The following RTN1 variants were observed in gnomAD, a reference collection of about 807,000 sequenced individuals.
RTN1 encodes reticulon-1.
RTN1 carries 25 observed loss-of-function variants against 65.5 expected under a neutral mutation model. The ratio of observed to expected loss-of-function variants is 0.38; its 90% CI spans 0.28 to 0.53. The LOEUF (loss-of-function observed/expected upper bound fraction) is 0.53. RTN1 is among the 20% of genes least tolerant of loss of function. The probability of loss-of-function intolerance (pLI) is 0.79; values close to 1 mark genes in which losing one functional copy is unlikely to be tolerated. For synonymous variants in RTN1, 471 were observed against 447.6 expected (o/e 1.05, Z -0.66); for missense variants, 983 against 1,025.4 (o/e 0.96, Z 0.57).
At chr14:59,629,674 G>A (rs146577432) in intron 3 of RTN1, among the ~76,000 whole-genome samples, 4 of 152,176 alleles carry the variant, frequency 2.6e-5, no homozygotes, top group African/African-American at 9.7e-5. Context: ...GAAGTGTGAG[G>A]CTGAATAAAA....
At chr14:59,855,802 A>G (rs1462065591) in intron 1 of RTN1, among the ~76,000 whole-genome samples, 1 of 152,192 alleles carries the variant, frequency 6.6e-6, no homozygotes, top group Non-Finnish European at 1.5e-5. Context: ...ATTAAGTGCC[A>G]AAGCCTTACT....
At chr14:59,745,600 G>A (rs1170153478) in intron 2 of RTN1, 108 bp downstream of exon 2, 1 of 946,896 alleles carries the variant, frequency 1.1e-6, no homozygotes, top group Non-Finnish European at 1.6e-6. Flanking sequence ...AAGGGGTCCA[G>A]ATAGTAAAGT....
chr14:59,661,157 G>C (rs945193221), intron 3 of RTN1, among the ~76,000 whole-genome samples: 7 of 149,418 alleles, frequency 4.7e-5, no homozygotes, highest in African/African-American at 1.7e-4. Flanking sequence ...ATAAATTCCT[G>C]GACACATACA....
intron 1 of RTN1, among the ~76,000 whole-genome samples, chr14:59,807,148 C>G (rs1886653848): frequency 6.6e-6 from 1 of 152,142 alleles, no homozygotes; most frequent in South Asian, 2.1e-4. Flanking sequence ...GTATGACTTT[C>G]AAGTCAAATT....
chr14:59,683,745 G>T (rs1450798185), intron 3 of RTN1, among the ~76,000 whole-genome samples: 1 of 152,074 alleles, frequency 6.6e-6, no homozygotes, highest in African/African-American at 2.4e-5. Flanking sequence ...TATTTCCTTA[G>T]TATCTTTGGT....
At chr14:59,804,133 T>C (rs1020608252) in intron 1 of RTN1, among the ~76,000 whole-genome samples, 3 of 152,200 alleles carry the variant, frequency 2.0e-5, no homozygotes, top group Admixed American at 1.3e-4. Flanking sequence ...CCCCATTACA[T>C]TTAATTGTCA....
At chr14:59,690,655 C>T (rs191118322) in intron 3 of RTN1, among the ~76,000 whole-genome samples, 3 of 152,060 alleles carry the variant, frequency 2.0e-5, no homozygotes, top group Non-Finnish European at 4.4e-5. Flanking sequence ...CTCAGCTGGA[C>T]AAGAAACATA....
At chr14:59,776,418 GC>G (rs1886051219) in intron 1 of RTN1, among the ~76,000 whole-genome samples, 1 of 152,104 alleles carries the variant, frequency 6.6e-6, no homozygotes, top group African/African-American at 2.4e-5. Flanking sequence ...CTTCCACCAT[GC>G]CATGATGCAG....
At chr14:59,661,779 C>T (rs1212186584) in intron 3 of RTN1, among the ~76,000 whole-genome samples, 1 of 152,154 alleles carries the variant, frequency 6.6e-6, no homozygotes, top group Non-Finnish European at 1.5e-5. Context: ...TTATGACAAA[C>T]CCACAACCAA....
At chr14:59,793,843 CCAA>C (rs1886395165) in intron 1 of RTN1, among the ~76,000 whole-genome samples, 1 of 152,148 alleles carries the variant, frequency 6.6e-6, no homozygotes, top group African/African-American at 2.4e-5. Flanking sequence ...AATTCTGACC[CCAA>C]CTTTCAAACA....
At chr14:59,721,937 AT>A (rs1179898511) in intron 3 of RTN1, among the ~76,000 whole-genome samples, 5 of 152,128 alleles carry the variant, frequency 3.3e-5, no homozygotes, top group African/African-American at 7.2e-5. Flanking sequence ...ATGAAAATTC[AT>A]TTTACTCAAC....
At chr14:59,840,692 A>G (rs1488778433) in intron 1 of RTN1, among the ~76,000 whole-genome samples, 1 of 152,136 alleles carries the variant, frequency 6.6e-6, no homozygotes, top group Non-Finnish European at 1.5e-5. Context: ...ACATTTTCCC[A>G]TTGTAATTCG....
chr14:59,603,597 T>A (rs921596884), intron 6 of RTN1, among the ~76,000 whole-genome samples: 1 of 151,782 alleles, frequency 6.6e-6, no homozygotes, highest in East Asian at 1.9e-4. Context: ...TCCAAATATA[T>A]ATATTACAAG....
intron 1 of RTN1, among the ~76,000 whole-genome samples, chr14:59,762,959 T>A (rs910759730): frequency 6.6e-6 from 1 of 152,208 alleles, no homozygotes; most frequent in African/African-American, 2.4e-5. Flanking sequence ...CATGAGACAT[T>A]TGAAATTTAC....
chr14:59,789,849 T>A (rs1008484362), intron 1 of RTN1, among the ~76,000 whole-genome samples: 1 of 151,938 alleles, frequency 6.6e-6, no homozygotes, highest in South Asian at 2.1e-4. Context: ...AAAGAACTGA[T>A]AGGTATCAAA....
chr14:59,757,220 C>T (rs1885657647), intron 1 of RTN1, among the ~76,000 whole-genome samples: 1 of 152,040 alleles, frequency 6.6e-6, no homozygotes, highest in Non-Finnish European at 1.5e-5. Context: ...AGGGAGGAGG[C>T]TGATATAGTT....
At chr14:59,713,117 A>G (rs1023616905) in intron 3 of RTN1, among the ~76,000 whole-genome samples, 3 of 152,214 alleles carry the variant, frequency 2.0e-5, no homozygotes, top group Non-Finnish European at 4.4e-5. Context: ...CGAAATGCAG[A>G]CAGGTTAACT....
intron 1 of RTN1, among the ~76,000 whole-genome samples, chr14:59,798,885 G>T (rs1188713616): frequency 6.6e-6 from 1 of 152,140 alleles, no homozygotes; most frequent in East Asian, 1.9e-4. Context: ...TTTATTTCAA[G>T]TATTAGTGAC....
Position 59,870,747 on chromosome 14 carries a change from T to C in RTN1, c.-117A>G. The C allele has an allele frequency of 8.7e-7, 1 of 1,154,150 alleles. No individual in the cohort carries two copies. Among genetic ancestry groups the C allele is most frequent in the Middle Eastern group, 3.3e-4 (1 of 3,026 alleles). 71.5% of individuals were successfully genotyped at this position (1,154,150 alleles called of 1,614,324 possible). On this transcript the variant is annotated 5_prime_UTR_variant, in exon 1 of 9. Coordinates refer to ENST00000267484, the MANE Select transcript of RTN1 (RefSeq NM_021136.3). The surrounding 1 kb of genome is among the most constrained non-coding windows in gnomAD (Gnocchi z 5.1). Reference sequence around the variant, plus strand: ...CTCGGCGCTCAGGGAAGCTGCGGTGTCTCAGCGTCGCCGCCGCCTCTGCTG... The same window carrying C: ...CTCGGCGCTCAGGGAAGCTGCGGTGCCTCAGCGTCGCCGCCGCCTCTGCTG...
Sources: gnomAD v4.1 joint callset for allele counts (sites outside exome capture counted in the v4.1 genomes callset) on GRCh38, gnomAD v4.1.1 for gene constraint, Gnocchi (gnomAD v3.1) non-coding constraint, MANE v1.5 for transcripts, NCBI Gene and HGNC (gene_info 2026-07-23, HGNC 2026-07-21) for gene names.